Variants in GLRA3 observed in about 807,000 individuals in gnomAD.
GLRA3 encodes the protein glycine receptor subunit alpha-3.
A neutral mutation model predicts 60.4 loss-of-function variants in GLRA3; 44 were observed. The ratio of observed to expected loss-of-function variants is 0.73; its 90% confidence interval spans 0.57 to 0.94. The LOEUF is 0.94. Ranked by LOEUF, GLRA3 falls within the 40% of genes least tolerant of loss-of-function variation. The pLI is 0.00. For missense variants in GLRA3, 508 were observed against 564.6 expected (o/e 0.90, Z 1.02); for synonymous variants, 223 against 192.9 (o/e 1.16, Z -1.29).
intron 2 of GLRA3, among the ~76,000 whole-genome samples, chr4:174,777,619 C>T (rs1352449201): frequency 6.6e-6 from 1 of 152,022 alleles, no homozygotes; most frequent in Non-Finnish European, 1.5e-5. Context: ...CTGTATGATA[C>T]AGTAATGACA....
rs532546694 is a variant in GLRA3, at chr4:174,643,797, G to T, written c.1384C>A (p.Gln462Lys). 11 of 1,611,874 alleles carry T rather than the reference G, an allele frequency of 6.8e-6. No individual in the cohort carries two copies. Among genetic ancestry groups the T allele is most frequent in the Non-Finnish European group, 8.5e-6 (10 of 1,178,542 alleles). Residue 462 changes from glutamine to lysine, a missense_variant, in exon 10 of 10, where the codon CAG becomes AAG. Coordinates refer to ENST00000274093, the MANE Select transcript of GLRA3 (RefSeq NM_006529.4). Reference sequence around the variant, plus strand: ...ATGCCCCCAGAGACTTAATCTTGCTGCTGATGAATATCCTCATGCCTAAGA... The same window carrying T: ...ATGCCCCCAGAGACTTAATCTTGCTTCTGATGAATATCCTCATGCCTAAGA... The part of the protein sequence containing the change: ...KILRHEDIHQ[Q>K]QD
intron 3 of GLRA3, among the ~76,000 whole-genome samples, chr4:174,748,430 T>C (rs764305575): frequency 3.9e-5 from 6 of 151,960 alleles, no homozygotes; most frequent in Non-Finnish European, 7.4e-5. Flanking sequence ...GAAAGAGAAA[T>C]ATGGGAATAA....
At chr4:174,674,161 T>C (rs1328853251) in intron 7 of GLRA3, among the ~76,000 whole-genome samples, 1 of 152,084 alleles carries the variant, frequency 6.6e-6, no homozygotes. Context: ...GCTCCCCTTA[T>C]TAAAATTCAT....
intron 9 of GLRA3, among the ~76,000 whole-genome samples, chr4:174,647,312 G>A (rs4575975): frequency 0.51 from 77,618 of 151,476 alleles, 21,394 homozygotes; most frequent in African/African-American, 0.72. Flanking sequence ...GGAGGCTGAG[G>A]TGGGAGGATT....
intron 5 of GLRA3, among the ~76,000 whole-genome samples, chr4:174,695,873 T>C (rs1735031544): frequency 6.6e-6 from 1 of 152,118 alleles, no homozygotes; most frequent in South Asian, 2.1e-4. Context: ...CTCCAGCTGA[T>C]AAACAACTTC....
At chr4:174,795,159 A>C (rs541136561) in intron 1 of GLRA3, among the ~76,000 whole-genome samples, 3 of 152,044 alleles carry the variant, frequency 2.0e-5, no homozygotes, top group Non-Finnish European at 2.9e-5. Context: ...TAATTAAATT[A>C]AACTGGAGGA....
intron 2 of GLRA3, among the ~76,000 whole-genome samples, chr4:174,776,662 A>G (rs1738616721): frequency 6.6e-6 from 1 of 152,170 alleles, no homozygotes; most frequent in Non-Finnish European, 1.5e-5. Context: ...TTTGCCTCAA[A>G]GAAGTAGAAC....
At chr4:174,745,050 C>T (rs1737187392) in intron 3 of GLRA3, among the ~76,000 whole-genome samples, 1 of 152,048 alleles carries the variant, frequency 6.6e-6, no homozygotes, top group African/African-American at 2.4e-5. Context: ...CTGAATCTAA[C>T]AGAAGAAAGA....
intron 5 of GLRA3, among the ~76,000 whole-genome samples, chr4:174,689,771 A>G (rs962612626): frequency 2.0e-4 from 30 of 147,938 alleles, no homozygotes; most frequent in Admixed American, 6.8e-4. Flanking sequence ...AAAAAAAAAA[A>G]AAAAAAAAAA....
intron 2 of GLRA3, among the ~76,000 whole-genome samples, chr4:174,787,633 T>C (rs1348484027): frequency 7.2e-6 from 1 of 139,660 alleles, no homozygotes; most frequent in African/African-American, 2.7e-5. Flanking sequence ...CTCATTTTCA[T>C]TTGTATATTG....
intron 7 of GLRA3, among the ~76,000 whole-genome samples, chr4:174,669,945 T>G (rs993815797): frequency 5.9e-5 from 9 of 152,132 alleles, no homozygotes; most frequent in African/African-American, 2.2e-4. Context: ...TCCAAAGAGG[T>G]GAATTTAACC....
chr4:174,822,457 A>G (rs534848119), intron 1 of GLRA3, among the ~76,000 whole-genome samples: 9 of 152,208 alleles, frequency 5.9e-5, no homozygotes, highest in Non-Finnish European at 1.2e-4. Flanking sequence ...TTTGTCTAGG[A>G]GAAAACAGAG....
chr4:174,764,077 A>C (rs1005414886), intron 3 of GLRA3, among the ~76,000 whole-genome samples: 13 of 152,182 alleles, frequency 8.5e-5, no homozygotes, highest in Admixed American at 2.6e-4. Context: ...ATATTGGGAA[A>C]GGAGTTTAAC....
At chr4:174,706,684 T>C (rs1239977977) in intron 5 of GLRA3, among the ~76,000 whole-genome samples, 1 of 152,166 alleles carries the variant, frequency 6.6e-6, no homozygotes, top group Admixed American at 6.5e-5. Flanking sequence ...TTTATCTGTA[T>C]CTTTTCTCCG....
At chr4:174,738,994 A>C (rs534279393) in intron 3 of GLRA3, among the ~76,000 whole-genome samples, 6 of 152,334 alleles carry the variant, frequency 3.9e-5, no homozygotes, top group Admixed American at 2.6e-4. Flanking sequence ...ACTTCTGTTC[A>C]AACCATGTAG....
intron 5 of GLRA3, chr4:174,712,622 C>T (rs1437450636): frequency 2.6e-5 from 4 of 151,932 alleles, no homozygotes; most frequent in Non-Finnish European, 5.9e-5. Context: ...TGCCTACTTC[C>T]CACGTCTTAA....
chr4:174,746,420 C>T (rs889881221), intron 3 of GLRA3, among the ~76,000 whole-genome samples: 1 of 152,072 alleles, frequency 6.6e-6, no homozygotes, highest in African/African-American at 2.4e-5. Context: ...CACCTTCACA[C>T]TCATATGTGG....
At chr4:174,705,727 T>C (rs1397222683) in intron 5 of GLRA3, among the ~76,000 whole-genome samples, 1 of 142,278 alleles carries the variant, frequency 7.0e-6, no homozygotes, top group Admixed American at 7.3e-5. Context: ...TTATTGACTG[T>C]CGTTAAGAGA....
intron 9 of GLRA3, among the ~76,000 whole-genome samples, chr4:174,656,244 GCT>G (rs1276659037): frequency 2.6e-5 from 4 of 151,982 alleles, no homozygotes; most frequent in Non-Finnish European, 5.9e-5. Flanking sequence ...TTGTTCACTT[GCT>G]ATAAGTAACC....
Sources: gnomAD v4.1 joint callset for allele counts (sites outside exome capture counted in the v4.1 genomes callset) on GRCh38, gnomAD v4.1.1 for gene constraint, MANE v1.5 for transcripts, NCBI Gene and HGNC (gene_info 2026-07-23, HGNC 2026-07-21) for gene names.